The following ARHGEF18 variants were observed in gnomAD, a reference collection of about 807,000 sequenced individuals.
ARHGEF18 encodes Rho/Rac guanine nucleotide exchange factor 18.
ARHGEF18 carries 93 observed loss-of-function variants against 155.7 expected under a neutral mutation model. The observed-to-expected ratio is 0.60, with a 90% CI of 0.50 to 0.71. The LOEUF is 0.71. ARHGEF18 is among the 30% of genes least tolerant of loss of function. The pLI is 0.00. For synonymous variants in ARHGEF18, 742 were observed against 753.1 expected, an observed-to-expected ratio of 0.99 and a Z score of 0.24; for missense variants, 1,593 against 1,816.1, an observed-to-expected ratio of 0.88 and a Z score of 2.23.
intron 2 of ARHGEF18, among the ~76,000 whole-genome samples, chr19:7,371,810 G>C (rs890542355): frequency 6.9e-6 from 1 of 145,480 alleles, no homozygotes. Flanking sequence ...GACAGAGCAA[G>C]ACTCCATCTC....
At chr19:7,437,816 T>C (rs986178996) in intron 10 of ARHGEF18, among the ~76,000 whole-genome samples, 2 of 151,420 alleles carry the variant, frequency 1.3e-5, no homozygotes, top group Non-Finnish European at 2.9e-5. Flanking sequence ...GCTAATTTTG[T>C]ATTTTTAGTA....
intron 10 of ARHGEF18, among the ~76,000 whole-genome samples, chr19:7,427,864 C>G (rs931747880): frequency 6.6e-6 from 1 of 151,374 alleles, no homozygotes; most frequent in Non-Finnish European, 1.5e-5. Flanking sequence ...AAGAATTGGT[C>G]GAATCTGGGA....
chr19:7,381,038 G>A (rs1207183672), intron 8 of ARHGEF18, 44 bp downstream of exon 8: 8 of 1,220,328 alleles, frequency 6.6e-6, no homozygotes, highest in African/African-American at 3.1e-5. Flanking sequence ...CCTTGGATTC[G>A]AACAAGTGTT....
chr19:7,359,719 T>C (rs908481451), intron 1 of ARHGEF18, among the ~76,000 whole-genome samples: 3 of 151,654 alleles, frequency 2.0e-5, no homozygotes, highest in Non-Finnish European at 4.4e-5. Context: ...ACCAGGATCA[T>C]GGCTCAGTCT....
chr19:7,427,203 G>A (rs1019682455), intron 10 of ARHGEF18, among the ~76,000 whole-genome samples: 3 of 152,220 alleles, frequency 2.0e-5, no homozygotes, highest in African/African-American at 7.2e-5. Context: ...AGAGCCCCCA[G>A]TGAAGAAATG....
rs942509451 is a variant in ARHGEF18 at position 7,425,259 on chromosome 19, T to A, written c.968-15085T>A. Among the ~76,000 whole-genome samples the A allele has an allele frequency of 2.4e-4, 36 of 152,108 alleles. 1 individual carries two copies. The highest frequency in any genetic ancestry group is 7.7e-4 in the African/African-American group (32 of 41,424). On this transcript the variant is annotated intron_variant, in intron 10 of 28. Coordinates refer to ENST00000668164, the MANE Select transcript of ARHGEF18 (RefSeq NM_001367823.1). ...CTATAGCAGTTTACCTTAGTTCTTA[T>A]CTTCATTAAACAAGAGTAGGGCTCT...
At chr19:7,477,507 C>T in the ARHGEF18 span, 11 of 1,257,028 alleles carry the variant, frequency 8.8e-6, no homozygotes, top group Non-Finnish European at 1.1e-5. Flanking sequence ...CCTGAATGCC[C>T]TGTGTGGCCT....
intron 5 of ARHGEF18, among the ~76,000 whole-genome samples, chr19:7,377,242 TGTATTTTTA>T (rs1970504059): frequency 1.3e-5 from 2 of 152,136 alleles, no homozygotes; most frequent in Non-Finnish European, 2.9e-5. Flanking sequence ...GGCTAATTTT[TGTATTTTTA>T]GTAGACACAG....
Position 7,461,968 on chromosome 19 carries a change from G to T in ARHGEF18, c.2453-184G>T, listed in dbSNP as rs990439608. Among the ~76,000 whole-genome samples, 7 of 152,254 alleles carry T rather than the reference G, an allele frequency of 4.6e-5. 1 individual carries two copies. Among genetic ancestry groups the T allele is most frequent in the Middle Eastern group, 6.8e-3 (2 of 294 alleles). Reference sequence around the variant, plus strand: ...CAGCTAACCTGATTTTTATAACAAGGGGGAAAATAATCAGAGGACAAGGCC... The same window carrying T: ...CAGCTAACCTGATTTTTATAACAAGTGGGAAAATAATCAGAGGACAAGGCC... On this transcript the variant is annotated intron_variant, in intron 20 of 28. Coordinates refer to ENST00000668164, the MANE Select transcript of ARHGEF18 (RefSeq NM_001367823.1).
In ARHGEF18 at chr19:7,365,838, G is replaced by C. The variant is rs76437833; in HGVS notation, c.15+2933G>C. Among the ~76,000 whole-genome samples, 375 of 152,272 alleles carry C rather than the reference G, an allele frequency of 2.5e-3. 3 individuals carry two copies. Among genetic ancestry groups the C allele is most frequent in the African/African-American group, 8.4e-3 (351 of 41,542 alleles). On this transcript the variant is annotated intron_variant, in intron 2 of 28. Transcript: ENST00000668164. ...TGCACCCTCCTTCTCCTTCCCTGGTGGTGGTCCCCGTCATGGCTCCCCCAG... is the reference window on the plus strand; with the variant it reads ...TGCACCCTCCTTCTCCTTCCCTGGTCGTGGTCCCCGTCATGGCTCCCCCAG...
chr19:7,359,010 T>C (rs1393645352), intron 1 of ARHGEF18, among the ~76,000 whole-genome samples: 1 of 152,180 alleles, frequency 6.6e-6, no homozygotes, highest in Non-Finnish European at 1.5e-5. Flanking sequence ...TCCAAAGTCC[T>C]ATGGCTAAAA....
chr19:7,468,754 A>G (rs1305164542), intron 26 of ARHGEF18, 71 bp from the exon 27 acceptor site: 2 of 1,448,446 alleles, frequency 1.4e-6, no homozygotes, highest in African/African-American at 1.4e-5. Context: ...CCTGTGCACG[A>G]CCCTCGGGGG....
chr19:7,473,924 A>G (rs1320383606), downstream of ARHGEF18, among the ~76,000 whole-genome samples: 1 of 151,750 alleles, frequency 6.6e-6, no homozygotes, highest in Non-Finnish European at 1.5e-5. Flanking sequence ...TCAAAGTTGC[A>G]GTGAGCTATG....
Position 7,451,251 on chromosome 19 carries a change from A to T in ARHGEF18, c.1840A>T (p.Ile614Phe). 6.2e-7 allele frequency: 1 copy of T among 1,613,110 alleles called. No individual in the cohort carries two copies. Among genetic ancestry groups the T allele is most frequent in the Non-Finnish European group, 8.5e-7 (1 of 1,179,746 alleles). ...TKYPVLVERI[I>F]QNTEAGTEDY... ...ATACCCAGTGCTGGTGGAGCGCATCATCCAGAACACGGAAGGTAGGCCTTC... is the reference window on the plus strand; with the variant it reads ...ATACCCAGTGCTGGTGGAGCGCATCTTCCAGAACACGGAAGGTAGGCCTTC... Residue 614 changes from isoleucine (I) to phenylalanine (F), a missense_variant, in exon 16 of 29, where the codon ATC (isoleucine) becomes TTC (phenylalanine). Transcript: ENST00000668164.
chr19:7,368,010 G>GAA (rs1568270681), intron 2 of ARHGEF18, among the ~76,000 whole-genome samples: 3,074 of 128,292 alleles, frequency 0.024, 283 homozygotes, highest in African/African-American at 0.091. Flanking sequence ...AGGGAGGGAG[G>GAA]GAGGGAGGGC....
At position 7,373,013 on chromosome 19, in the gene ARHGEF18, G is replaced by A; in HGVS notation, c.217G>A (p.Asp73Asn). The A allele has an allele frequency of 2.4e-6, 3 of 1,234,442 alleles. No homozygotes were observed. The highest frequency in any genetic ancestry group is 3.0e-6 in the Non-Finnish European group (3 of 988,206). 76.5% of individuals were successfully genotyped at this position (1,234,442 alleles called of 1,614,324 possible). ...TTTCTCCAGCTTGGCAGGGTCCCAAGACCTGTCAAGGCGGCGCAGCTGGGA... is the reference window on the plus strand; with the variant it reads ...TTTCTCCAGCTTGGCAGGGTCCCAAAACCTGTCAAGGCGGCGCAGCTGGGA... ...SLFSSLAGSQ[D>N]LSRRRSWERS... Residue 73 changes from aspartate to asparagine, a missense_variant, in exon 3 of 29, where the codon GAC (aspartate) becomes AAC (asparagine). Physicochemically the swap from Asp to Asn is conservative, Grantham distance 23. Coordinates refer to ENST00000668164, the MANE Select transcript of ARHGEF18 (RefSeq NM_001367823.1).
At chr19:7,472,854 C>A (rs967620473), downstream of ARHGEF18, 4 of 406,330 alleles carry the variant, frequency 9.8e-6, no homozygotes, top group African/African-American at 8.2e-5. Flanking sequence ...TGTGCACCAC[C>A]ACGCCCAGCT....
chr19:7,400,333 T>A (rs75006447), intron 10 of ARHGEF18, among the ~76,000 whole-genome samples: 3,845 of 152,052 alleles, frequency 0.025, 161 homozygotes, highest in African/African-American at 0.088. Flanking sequence ...ATTATTTTTT[T>A]AAAAAAACAG....
intron 10 of ARHGEF18, among the ~76,000 whole-genome samples, chr19:7,387,601 A>G (rs916760919): frequency 3.9e-5 from 6 of 152,134 alleles, no homozygotes; most frequent in African/African-American, 1.4e-4. Context: ...TCTGCAAATA[A>G]GGTTTTGTGG....
Sources: allele counts gnomAD v4.1 joint callset (sites outside exome capture counted in the v4.1 genomes callset), GRCh38; gene constraint gnomAD v4.1.1; transcripts MANE v1.5; gene names NCBI Gene and HGNC (gene_info 2026-07-23, HGNC 2026-07-21).